CHRM2: variants seen among roughly 807,000 people sequenced by gnomAD.
CHRM2 encodes the protein cholinergic receptor muscarinic 2.
Under a neutral mutation model 25.0 loss-of-function variants are expected in CHRM2, and 8 were observed. That is an observed-to-expected ratio of 0.32 (90% CI 0.19 to 0.58). CHRM2 has a LOEUF of 0.58. CHRM2 is among the 20% of genes least tolerant of loss of function. CHRM2 has a pLI of 0.88. For synonymous variants in CHRM2, 202 were observed against 205.7 expected, an observed-to-expected ratio of 0.98 and a Z score of 0.15; for missense variants, 440 against 567.1, an observed-to-expected ratio of 0.78 and a Z score of 2.28.
chr7:136,870,321 A>C (rs62485215), intron 2 of CHRM2: 19,225 of 152,366 alleles, frequency 0.13, 1,356 homozygotes, highest in Non-Finnish European at 0.17. Flanking sequence ...GCTCTCGGAC[A>C]CGGACAGGTG....
At chr7:136,968,208 C>T (rs1801533745) in intron 2 of CHRM2, among the ~76,000 whole-genome samples, 1 of 151,926 alleles carries the variant, frequency 6.6e-6, no homozygotes, top group Middle Eastern at 3.4e-3. Flanking sequence ...AAATTTGTAC[C>T]CTTGACCATC....
intron 3 of CHRM2, among the ~76,000 whole-genome samples, chr7:136,995,537 A>G (rs1803537390): frequency 6.6e-6 from 1 of 152,124 alleles, no homozygotes; most frequent in South Asian, 2.1e-4. Flanking sequence ...CCAAAGTGAG[A>G]GAATCACTTG....
chr7:136,929,900 A>T (rs2130773451), intron 2 of CHRM2, among the ~76,000 whole-genome samples: 1 of 152,246 alleles, frequency 6.6e-6, no homozygotes, highest in Middle Eastern at 3.4e-3. Context: ...ATCAGTAAAA[A>T]TAGGAAACAG....
intron 2 of CHRM2, among the ~76,000 whole-genome samples, chr7:136,976,199 A>T (rs1193656587): frequency 6.6e-6 from 1 of 152,146 alleles, no homozygotes; most frequent in Non-Finnish European, 1.5e-5. Context: ...TTTTAAACTA[A>T]ATATTAAAGA....
intron 2 of CHRM2, among the ~76,000 whole-genome samples, chr7:136,978,948 T>C (rs753751049): frequency 5.9e-5 from 9 of 152,204 alleles, no homozygotes; most frequent in Non-Finnish European, 1.3e-4. Flanking sequence ...TGATTTATAA[T>C]CTTTTGGGTA....
At chr7:137,004,921 C>T (rs1297639239) in intron 3 of CHRM2, among the ~76,000 whole-genome samples, 2 of 152,096 alleles carry the variant, frequency 1.3e-5, no homozygotes, top group East Asian at 3.9e-4. Context: ...TCTGGGGAAA[C>T]AATCATTTTG....
chr7:136,903,173 C>G (rs375768209), intron 2 of CHRM2: 25 of 534,034 alleles, frequency 4.7e-5, no homozygotes, highest in South Asian at 2.8e-4. Flanking sequence ...TTTATGGAGG[C>G]CTTGCTGGTT....
chr7:136,909,344 C>T (rs1797719851), intron 2 of CHRM2, among the ~76,000 whole-genome samples: 1 of 151,898 alleles, frequency 6.6e-6, no homozygotes, highest in South Asian at 2.1e-4. Flanking sequence ...TGTGCTCTTG[C>T]ATTTTTGGAG....
chr7:136,902,212 T>TCC (rs1398767340), intron 2 of CHRM2: 42 of 150,346 alleles, frequency 2.8e-4, no homozygotes, highest in African/African-American at 9.8e-4. Context: ...TCGATCTATC[T>TCC]ATCCATCCAT....
At chr7:136,975,037 C>A (rs1802024202) in intron 2 of CHRM2, among the ~76,000 whole-genome samples, 1 of 152,182 alleles carries the variant, frequency 6.6e-6, no homozygotes, top group South Asian at 2.1e-4. Flanking sequence ...TACTGGCTTA[C>A]CACATGGCAT....
intron 2 of CHRM2, among the ~76,000 whole-genome samples, chr7:136,975,128 A>T (rs1395882616): frequency 6.6e-6 from 1 of 152,222 alleles, no homozygotes; most frequent in African/African-American, 2.4e-5. Flanking sequence ...ATAGGAGTGG[A>T]CAATAATTGA....
At chr7:136,974,891 G>A (rs1219064680) in intron 2 of CHRM2, among the ~76,000 whole-genome samples, 3 of 152,196 alleles carry the variant, frequency 2.0e-5, no homozygotes, top group African/African-American at 7.2e-5. Flanking sequence ...GGTGAGAACT[G>A]ATGAGAACTG....
chr7:136,991,598 C>G (rs1313871282), intron 2 of CHRM2, among the ~76,000 whole-genome samples: 1 of 152,116 alleles, frequency 6.6e-6, no homozygotes, highest in Admixed American at 6.6e-5. Context: ...TTGGAGAACA[C>G]TGCCAAGCTT....
chr7:137,000,567 G>GGAAGGAAGGAAGGAAGGAAA lies in CHRM2; in HGVS notation c.-47+8322_-47+8323insAGAAGGAAGGAAGGAAGGAA, dbSNP rs1554434084. On this transcript the variant is annotated intron_variant, in intron 3 of 3. Coordinates refer to ENST00000680005, the MANE Select transcript of CHRM2 (RefSeq NM_001006630.2). Reference sequence around the variant, plus strand: ...AAGAAAGAAGGAAGGAAGGAAGGAAGGAAGGAAGGAAGGAAGGAAGGAAGG... The same window carrying GGAAGGAAGGAAGGAAGGAAA: ...AAGAAAGAAGGAAGGAAGGAAGGAAGGAAGGAAGGAAGGAAGGAAAGAAGGAAGGAAGGAAGGAAGGAAGG... Among the ~76,000 whole-genome samples, 62 of 125,524 alleles carry GGAAGGAAGGAAGGAAGGAAA rather than the reference G, an allele frequency of 4.9e-4. 2 individuals are homozygous for GGAAGGAAGGAAGGAAGGAAA. The highest frequency in any genetic ancestry group is 1.4e-3 in the African/African-American group (53 of 37,812). 82.3% of individuals were successfully genotyped at this position (125,524 alleles called of 152,430 possible). A position where few individuals can be genotyped will look rare whatever the true frequency, so the allele number is the denominator to read the frequency against.
intron 3 of CHRM2, among the ~76,000 whole-genome samples, chr7:137,000,587 G>GGAAGGAAGGAAA (rs1803958505): frequency 6.7e-6 from 1 of 149,394 alleles, no homozygotes; most frequent in African/African-American, 2.5e-5. Context: ...AAGGAAGGAA[G>GGAAGGAAGGAAA]GAAGGGAAAA....
intron 2 of CHRM2, among the ~76,000 whole-genome samples, chr7:136,923,833 A>G (rs1798586684): frequency 6.6e-6 from 1 of 152,122 alleles, no homozygotes; most frequent in African/African-American, 2.4e-5. Context: ...ACCAGGCAAG[A>G]GCCCTGTCTC....
chr7:136,890,965 T>C (rs1185967217), intron 2 of CHRM2, among the ~76,000 whole-genome samples: 1 of 152,328 alleles, frequency 6.6e-6, no homozygotes. Context: ...TGTGTCTCCT[T>C]TCTTTCTCAC....
chr7:136,900,254 G>GA (rs1218188335), intron 2 of CHRM2, among the ~76,000 whole-genome samples: 2 of 152,030 alleles, frequency 1.3e-5, no homozygotes, highest in Non-Finnish European at 2.9e-5. Flanking sequence ...AGATACTAGT[G>GA]AAAGGAAACA....
intron 2 of CHRM2, among the ~76,000 whole-genome samples, chr7:136,985,661 C>T (rs1321150935): frequency 6.6e-6 from 1 of 152,120 alleles, no homozygotes; most frequent in Non-Finnish European, 1.5e-5. Flanking sequence ...AGATTAGCAT[C>T]TTACAATCAA....
Sources: gnomAD v4.1 joint callset for allele counts (sites outside exome capture counted in the v4.1 genomes callset) on GRCh38, gnomAD v4.1.1 for gene constraint, MANE v1.5 for transcripts, NCBI Gene and HGNC (gene_info 2026-07-23, HGNC 2026-07-21) for gene names.